LGMN: variants seen among roughly 807,000 people sequenced by gnomAD.
LGMN encodes the protein legumain, also known as asparaginyl endopeptidase.
In LGMN, 36 loss-of-function variants were observed where a neutral mutation model predicts 56.8. The ratio of observed to expected loss-of-function variants is 0.63; its 90% CI spans 0.49 to 0.84. The LOEUF is 0.84. Among genes scored for constraint, LGMN ranks in the 40% least tolerant of loss-of-function variants. The pLI is 0.00. For synonymous variants in LGMN, 199 were observed against 210.1 expected, an observed-to-expected ratio of 0.95 and a Z score of 0.46; for missense variants, 446 against 556.1, an observed-to-expected ratio of 0.80 and a Z score of 1.99.
intron 12 of LGMN, among the ~76,000 whole-genome samples, chr14:92,705,955 G>A (rs1169493594): frequency 6.6e-6 from 1 of 152,106 alleles, no homozygotes; most frequent in Non-Finnish European, 1.5e-5. Flanking sequence ...ACAAAAACAG[G>A]TTATGGGGGA....
At chr14:92,706,993 A>G (rs555550472) in intron 11 of LGMN, among the ~76,000 whole-genome samples, 126 of 152,292 alleles carry the variant, frequency 8.3e-4, no homozygotes, top group Non-Finnish European at 1.3e-3. Context: ...ACCTCTGCCC[A>G]TTCAGGAAAC....
intron 5 of LGMN, among the ~76,000 whole-genome samples, chr14:92,715,209 G>A (rs1890007379): frequency 2.6e-5 from 3 of 114,900 alleles, no homozygotes; most frequent in Admixed American, 9.0e-5. Flanking sequence ...CTGTTGGTCA[G>A]GGTGGGTGTG....
chr14:92,719,030 C>T (rs769907978), intron 2 of LGMN, among the ~76,000 whole-genome samples, 186 bp from the exon 3 acceptor site: 12 of 152,094 alleles, frequency 7.9e-5, no homozygotes, highest in Non-Finnish European at 1.0e-4. Flanking sequence ...GATCTCCCAT[C>T]CATCCAAAGT....
intron 1 of LGMN, among the ~76,000 whole-genome samples, chr14:92,740,016 C>G (rs1891477233): frequency 1.3e-5 from 2 of 152,098 alleles, no homozygotes. Context: ...TTTGGAAGGC[C>G]GAGTTCGGAG....
At chr14:92,713,999 G>T in intron 6 of LGMN, 114 bp from the exon 7 acceptor site, 1 of 817,186 alleles carries the variant, frequency 1.2e-6, no homozygotes, top group Non-Finnish European at 2.1e-6. Context: ...ATCCCTAGAA[G>T]TAATCATGGT....
chr14:92,712,744 C>A (rs1889848468), intron 8 of LGMN, 61 bp downstream of exon 8: 1 of 1,482,624 alleles, frequency 6.7e-7, no homozygotes, highest in Middle Eastern at 1.7e-4. Context: ...AGTTCCATGT[C>A]AGCGGTGTCT....
rs549754278 is a variant in LGMN, at chr14:92,717,879, G to C, written c.237-418C>G. Among the ~76,000 whole-genome samples, 21 of 152,346 alleles carry C rather than the reference G, an allele frequency of 1.4e-4. No homozygotes were observed. In the South Asian group the frequency reaches 3.9e-3, roughly 29 times the overall value. Reference sequence around the variant, plus strand: ...CGTCAGAGTGGGTGATGTATGAGCTGAGAATGTGACCACAGTAAGGGTAGC... The same window carrying C: ...CGTCAGAGTGGGTGATGTATGAGCTCAGAATGTGACCACAGTAAGGGTAGC... On this transcript the variant is annotated intron_variant, in intron 3 of 13. Transcript: ENST00000334869.
In LGMN at chr14:92,704,694, A is replaced by G. The variant is rs768148082; in HGVS notation, c.1205T>C (p.Leu402Ser). 2.5e-6 allele frequency: 4 copies of G among 1,612,982 alleles called. No homozygotes were observed. The highest frequency in any genetic ancestry group is 3.4e-6 in the Non-Finnish European group (4 of 1,178,936). Residue 402 changes from leucine (L) to serine (S), a missense_variant, in exon 13 of 14, where the codon TTG (leucine) becomes TCG (serine). By Grantham distance (145) the Leu-to-Ser change is moderately radical. Coordinates refer to ENST00000334869, the MANE Select transcript of LGMN (RefSeq NM_005606.7). ...NWHSPTYEYA[L>S]RHLYVLVNLC... is the part of the protein sequence containing the mutation. ...GTTGACCAGCACGTACAAATGTCTC[A>G]ACGCATACTCGTACTGGGAGAAAAC... is the stretch of plus-strand genomic sequence containing the variant.
intron 2 of LGMN, among the ~76,000 whole-genome samples, chr14:92,721,147 T>C (rs909541716): frequency 2.6e-5 from 4 of 152,150 alleles, no homozygotes; most frequent in Non-Finnish European, 4.4e-5. Context: ...CCACCTTGGA[T>C]AGAGAGTGCT....
chr14:92,718,951 C>T, intron 2 of LGMN, 107 bp from the exon 3 acceptor site: 1 of 668,468 alleles, frequency 1.5e-6, no homozygotes, highest in Non-Finnish European at 2.7e-6. Context: ...GTGAATCATC[C>T]CGTCGGTCAG....
intron 4 of LGMN, 60 bp downstream of exon 4, chr14:92,717,320 G>A (rs2140226662): frequency 9.5e-7 from 1 of 1,050,508 alleles, no homozygotes; most frequent in South Asian, 1.6e-5. Flanking sequence ...AAGAAAGAGG[G>A]AAAAATCATC....
chr14:92,707,510 GA>G (rs1285749318), intron 11 of LGMN, among the ~76,000 whole-genome samples: 1 of 152,168 alleles, frequency 6.6e-6, no homozygotes, highest in Non-Finnish European at 1.5e-5. Context: ...GCCCGACGGC[GA>G]AAGCAGAAGC....
chr14:92,717,648 C>G (rs964425206), intron 3 of LGMN, among the ~76,000 whole-genome samples, 187 bp from the exon 4 acceptor site: 1 of 152,136 alleles, frequency 6.6e-6, no homozygotes, highest in Non-Finnish European at 1.5e-5. Flanking sequence ...GTCCCACAGC[C>G]CAAGAGCTCT....
intron 10 of LGMN, among the ~76,000 whole-genome samples, chr14:92,711,237 C>T (rs1277899372): frequency 6.6e-6 from 1 of 152,158 alleles, no homozygotes; most frequent in East Asian, 1.9e-4. Context: ...TGCAAAGGGG[C>T]AGGACCCCAG....
chr14:92,743,558 T>C (rs1463188498), intron 1 of LGMN, among the ~76,000 whole-genome samples: 1 of 151,610 alleles, frequency 6.6e-6, no homozygotes, highest in East Asian at 1.9e-4. Flanking sequence ...TTCGAACACT[T>C]TGAGAGGCCA....
intron 1 of LGMN, among the ~76,000 whole-genome samples, chr14:92,746,285 G>C (rs907421083): frequency 3.9e-5 from 6 of 152,036 alleles, no homozygotes; most frequent in African/African-American, 1.4e-4. Flanking sequence ...TTCAGATTTC[G>C]ATACCCTCAG....
chr14:92,714,749 G>GT lies in LGMN; in HGVS notation c.405-299_405-298insA, dbSNP rs1889978586. ...ACAGACCTGGTGTGAGGTGGATAGT[G>GT]GGGTCCTTTGGCAATTGGGCCTCAT... On this transcript the variant is annotated intron_variant, in intron 5 of 13. Coordinates refer to ENST00000334869, the MANE Select transcript of LGMN (RefSeq NM_005606.7). This position sits in a 1 kb window ranked among gnomAD's most constrained non-coding sequence, Gnocchi z 5.1. 6.6e-6 allele frequency among the ~76,000 whole-genome samples: 1 copy of GT among 152,084 alleles called. No individual in the cohort carries two copies. The highest frequency in any genetic ancestry group is 1.5e-5 in the Non-Finnish European group (1 of 68,008).
intron 1 of LGMN, among the ~76,000 whole-genome samples, chr14:92,747,098 C>T (rs1266226333): frequency 6.6e-6 from 1 of 151,676 alleles, no homozygotes; most frequent in Admixed American, 6.6e-5. Flanking sequence ...CCAGACTCCA[C>T]GACTCCAGTG....
At position 92,711,885 on chromosome 14, in the gene LGMN, C is replaced by A. The variant is rs527644921; in HGVS notation, c.681G>T (p.Thr227=). Residue 227 remains threonine (T), a synonymous_variant, in exon 9 of 14, where the codon ACG becomes ACT. Transcript: ENST00000334869. The part of the protein sequence containing the change: ...YACYYDEKRS[T]YLGDWYSVNW... ...TGACGCTGTACCAGTCCCCCAGGTA[C>A]GTGGACCTCTTCTCATCATAGTAAC... The A allele has an allele frequency of 5.0e-6, 8 of 1,614,086 alleles. No homozygotes were observed. Among genetic ancestry groups the A allele is most frequent in the Non-Finnish European group, 6.8e-6 (8 of 1,180,028 alleles).
Sources: gnomAD v4.1 joint callset for allele counts (sites outside exome capture counted in the v4.1 genomes callset) on GRCh38, gnomAD v4.1.1 for gene constraint, Gnocchi (gnomAD v3.1) non-coding constraint, MANE v1.5 for transcripts, NCBI Gene and HGNC (gene_info 2026-07-23, HGNC 2026-07-21) for gene names.